MAGI2: variants seen among roughly 807,000 people sequenced by gnomAD.
The protein encoded by MAGI2 is membrane-associated guanylate kinase, WW and PDZ domain-containing protein 2.
Under a neutral mutation model 133.3 loss-of-function variants are expected in MAGI2, and 35 were observed. The observed-to-expected ratio is 0.26, with a 90% CI of 0.20 to 0.35. The LOEUF (loss-of-function observed/expected upper bound fraction) is 0.35. MAGI2 is among the 10% of genes least tolerant of loss of function. The pLI, the probability that MAGI2 is intolerant of heterozygous loss-of-function variation, is 1.00. For missense variants in MAGI2, 1,636 were observed against 1,863.4 expected, an observed-to-expected ratio of 0.88 and a Z score of 2.25; for synonymous variants, 729 against 710.6, an observed-to-expected ratio of 1.03 and a Z score of -0.41.
intron 1 of MAGI2, among the ~76,000 whole-genome samples, chr7:79,364,032 C>G (rs1209244634): frequency 2.6e-5 from 4 of 151,668 alleles, no homozygotes; most frequent in African/African-American, 9.7e-5. Flanking sequence ...AAATTAGAAC[C>G]ATCATGAGAT....
intron 4 of MAGI2, among the ~76,000 whole-genome samples, chr7:78,503,560 CCCTCCCCCTCCTCCTCCCCCTCCTCCT>C (rs1794813195): frequency 1.0e-4 from 4 of 39,506 alleles, no homozygotes; most frequent in East Asian, 1.2e-3. Context: ...CTCCATCTCC[CCCTCCCCCTCCTCCTCCCCCTCCTCCT>C]CCTCCCCCTC....
intron 1 of MAGI2, among the ~76,000 whole-genome samples, chr7:79,323,182 T>C (rs908360789): frequency 1.3e-5 from 2 of 152,048 alleles, no homozygotes; most frequent in African/African-American, 4.8e-5. Context: ...AACAACAATT[T>C]TGAGCTCCTA....
At chr7:79,075,026 CCTTATGGAT>C (rs1815337176) in intron 1 of MAGI2, among the ~76,000 whole-genome samples, 1 of 152,152 alleles carries the variant, frequency 6.6e-6, no homozygotes, top group African/African-American at 2.4e-5. Flanking sequence ...TAGGTTTTTA[CCTTATGGAT>C]GTAAGATGGC....
intron 3 of MAGI2, among the ~76,000 whole-genome samples, chr7:78,560,242 A>T (rs1347231934): frequency 6.6e-6 from 1 of 152,212 alleles, no homozygotes; most frequent in African/African-American, 2.4e-5. Context: ...TTAGGACTAT[A>T]CATTCATTTT....
chr7:79,399,820 C>A (rs1179926017), intron 1 of MAGI2, among the ~76,000 whole-genome samples: 1 of 152,118 alleles, frequency 6.6e-6, no homozygotes, highest in African/African-American at 2.4e-5. Context: ...TAAAAAGATC[C>A]TAGGTAAAGA....
chr7:78,876,321 CA>C (rs57950337), intron 2 of MAGI2, among the ~76,000 whole-genome samples: 12,986 of 79,426 alleles, frequency 0.16, 769 homozygotes, highest in African/African-American at 0.3. Flanking sequence ...GACTCCGTCT[CA>C]AAAAAAAAAA....
At chr7:78,041,883 T>C (rs6465973) in intron 21 of MAGI2, among the ~76,000 whole-genome samples, 34,460 of 151,922 alleles carry the variant, frequency 0.23, 5,383 homozygotes, top group East Asian at 0.56. Flanking sequence ...GTGAGGCTGC[T>C]GTCTGGGAGA....
rs1584438986 is a variant in MAGI2 at position 78,935,049 on chromosome 7, A to G, written c.418+72041T>C. The stretch of plus-strand genomic sequence containing the variant: ...AAAAGAGACACTTACAAAGATCACC[A>G]TAATGAGTAAATAATTACCTGTTGC... On this transcript the variant is annotated intron_variant, in intron 2 of 21. Coordinates refer to ENST00000354212, the MANE Select transcript of MAGI2 (RefSeq NM_012301.4). Among the ~76,000 whole-genome samples the G allele has an allele frequency of 3.3e-5, 5 of 152,310 alleles. No individual in the cohort carries two copies. The South Asian group carries it at 8.3e-4, about 25-fold the overall frequency.
intron 7 of MAGI2, among the ~76,000 whole-genome samples, chr7:78,365,457 A>G (rs902144738): frequency 8.5e-5 from 13 of 152,206 alleles, no homozygotes; most frequent in African/African-American, 3.1e-4. Flanking sequence ...GCCTGGGTCC[A>G]AATTTCAGCC....
intron 9 of MAGI2, among the ~76,000 whole-genome samples, chr7:78,301,377 G>A (rs1405694884): frequency 6.6e-6 from 1 of 152,096 alleles, no homozygotes; most frequent in African/African-American, 2.4e-5. Flanking sequence ...TGACACAAAC[G>A]CTCTTAAGAC....
At chr7:78,111,079 T>C (rs990386664) in intron 20 of MAGI2, among the ~76,000 whole-genome samples, 42 of 152,146 alleles carry the variant, frequency 2.8e-4, no homozygotes, top group African/African-American at 9.2e-4. Flanking sequence ...GGGGGAGAGA[T>C]GGAATGACAA....
chr7:78,624,940 C>T (rs1209105753), intron 3 of MAGI2, among the ~76,000 whole-genome samples: 1 of 151,932 alleles, frequency 6.6e-6, no homozygotes, highest in Non-Finnish European at 1.5e-5. Flanking sequence ...AACTGTTAAA[C>T]AGCCTCGGGC....
At chr7:78,622,214 C>A (rs1360775822) in intron 3 of MAGI2, among the ~76,000 whole-genome samples, 1 of 151,834 alleles carries the variant, frequency 6.6e-6, no homozygotes, top group East Asian at 1.9e-4. Context: ...TCTGGGACCC[C>A]CTTTCAGTCT....
Position 79,124,788 on chromosome 7 carries a change from G to C in MAGI2, c.302-117582C>G, listed in dbSNP as rs530541921. ...CTGTAGAAGCTCTTCATTGGGTTGG[G>C]GGAGTTGAGCTTTGAAACAACCCAT... On this transcript the variant is annotated intron_variant, in intron 1 of 21. Transcript: ENST00000354212. 1.8e-5 allele frequency: 3 copies of C among 164,182 alleles called. No individual in the cohort carries two copies. In the South Asian group the frequency reaches 4.5e-4, roughly 25 times the overall value. 10.2% of individuals were successfully genotyped at this position (164,182 alleles called of 1,614,324 possible).
intron 1 of MAGI2, among the ~76,000 whole-genome samples, chr7:79,170,165 T>C (rs956503993): frequency 7.7e-6 from 1 of 129,320 alleles, no homozygotes; most frequent in African/African-American, 3.4e-5. Context: ...TTTTTTTTTT[T>C]TGAGACAGGG....
chr7:78,487,695 G>C (rs1468134738), intron 6 of MAGI2, among the ~76,000 whole-genome samples: 1 of 152,048 alleles, frequency 6.6e-6, no homozygotes, highest in Non-Finnish European at 1.5e-5. Flanking sequence ...TTGGATTAGG[G>C]TAATTAGCTT....
intron 2 of MAGI2, among the ~76,000 whole-genome samples, chr7:78,779,639 AAC>A (rs1187379636): frequency 6.6e-6 from 1 of 152,340 alleles, no homozygotes; most frequent in African/African-American, 2.4e-5. Flanking sequence ...TTCTCTTCGA[AAC>A]ACAGATATTG....
chr7:79,269,796 T>C (rs954886794), intron 1 of MAGI2, among the ~76,000 whole-genome samples: 8 of 152,176 alleles, frequency 5.3e-5, no homozygotes, highest in African/African-American at 1.9e-4. Context: ...GCAAGGATGA[T>C]AATAGCCCTT....
chr7:78,093,322 C>T (rs966317001), intron 20 of MAGI2, among the ~76,000 whole-genome samples: 19 of 149,062 alleles, frequency 1.3e-4, no homozygotes, highest in Non-Finnish European at 2.1e-4. Context: ...ATCATGGTGG[C>T]GCACGCCTGT....
Sources: allele counts gnomAD v4.1 joint callset (sites outside exome capture counted in the v4.1 genomes callset), GRCh38; gene constraint gnomAD v4.1.1; transcripts MANE v1.5; gene names NCBI Gene and HGNC (gene_info 2026-07-23, HGNC 2026-07-21).